SFXN3: variants seen among roughly 807,000 people sequenced by gnomAD.
The protein encoded by SFXN3 is sideroflexin 3.
A neutral mutation model predicts 40.4 loss-of-function variants in SFXN3; 31 were observed. That is an observed-to-expected ratio of 0.77 (90% CI 0.58 to 1.04). The LOEUF is 1.04. Among genes scored for constraint, SFXN3 ranks in the 50% least tolerant of loss-of-function variants. SFXN3 has a pLI of 0.00. For synonymous variants in SFXN3, 157 were observed against 160.0 expected (o/e 0.98, Z 0.14); for missense variants, 366 against 408.2 (o/e 0.90, Z 0.89).
In SFXN3 at chr10:101,039,438, A is replaced by C. The variant is rs754073362; in HGVS notation, c.870-51A>C. The C allele has an allele frequency of 7.1e-6, 11 of 1,539,912 alleles. No individual in the cohort carries two copies. Among genetic ancestry groups the C allele is most frequent in the South Asian group, 1.1e-5 (1 of 89,596 alleles). ...GGTGGGATGGCAATCCCTGGGCCTG[A>C]GTGGGGTTGGATTCAGGGGACGTTA... On this transcript the variant is annotated intron_variant, in intron 11 of 11. Coordinates refer to ENST00000393459, the Ensembl canonical transcript of SFXN3. This position sits in a 1 kb window ranked among gnomAD's most constrained non-coding sequence, Gnocchi z 4.6.
chr10:101,036,139 T>A lies in SFXN3; in HGVS notation c.431+38T>A. On this transcript the variant is annotated intron_variant, in intron 5 of 11. Transcript: ENST00000393459. The surrounding 1 kb of genome is among the most constrained non-coding windows in gnomAD (Gnocchi z 4.2). ...CCCCAGCAGCAGCTGCACTGTCCCA[T>A]CTGACCCTCTCCTCCCAGCCTGCAG... The A allele has an allele frequency of 6.6e-7, 1 of 1,519,162 alleles. No homozygotes were observed. Among genetic ancestry groups the A allele is most frequent in the Non-Finnish European group, 9.1e-7 (1 of 1,095,000 alleles). The allele number at this position is 1,519,162 out of a possible 1,614,324, so 94.1% of individuals were successfully genotyped here.
rs978917514 is a variant in SFXN3 at position 101,036,992 on chromosome 10, G to A, written c.594-84G>A. The stretch of plus-strand genomic sequence containing the variant: ...GCCTTTGAGCCTGGGGTGTGTGAGG[G>A]GACCCTGAGGAGCCGCTGCTCATTC... On this transcript the variant is annotated intron_variant, in intron 7 of 11. Coordinates refer to ENST00000393459, the Ensembl canonical transcript of SFXN3. The surrounding 1 kb of genome is among the most constrained non-coding windows in gnomAD (Gnocchi z 4.2). 6 of 1,571,586 alleles carry A rather than the reference G, an allele frequency of 3.8e-6. No individual in the cohort carries two copies. In the African/African-American group the frequency reaches 6.7e-5, roughly 18 times the overall value.
At position 101,036,123 on chromosome 10, in the gene SFXN3, C is replaced by A; in HGVS notation, c.431+22C>A. The stretch of plus-strand genomic sequence containing the variant: ...TGAGGTGAGAGCCAGCCCCCAGCAG[C>A]AGCTGCACTGTCCCATCTGACCCTC... On this transcript the variant is annotated intron_variant, in intron 5 of 11. Coordinates refer to ENST00000393459, the Ensembl canonical transcript of SFXN3. The surrounding 1 kb of genome is among the most constrained non-coding windows in gnomAD (Gnocchi z 4.2). 1 of 1,584,236 alleles carries A rather than the reference C, an allele frequency of 6.3e-7. No individual in the cohort carries two copies. Among genetic ancestry groups the A allele is most frequent in the Non-Finnish European group, 8.7e-7 (1 of 1,153,606 alleles).
At position 101,039,570 on chromosome 10, in the gene SFXN3, C is replaced by A; in HGVS notation, c.951C>A (p.Tyr317Ter). 6.2e-7 allele frequency: 1 copy of A among 1,614,106 alleles called. No homozygotes were observed. Among genetic ancestry groups the A allele is most frequent in the African/African-American group, 1.3e-5 (1 of 75,036 alleles). The change falls in exon 12 of 12, where the codon TAC (tyrosine) becomes TAA (stop). Residue 317 changes from tyrosine (Y) to a stop codon, truncating the protein, a stop_gained. Coordinates refer to ENST00000393459, the Ensembl canonical transcript of SFXN3. LOFTEE classifies it high-confidence loss of function. The surrounding 1 kb of genome is among the most constrained non-coding windows in gnomAD (Gnocchi z 4.6). ...ACCCCAGCGTTGAAGTGGTCTACTA[C>A]AACAAGGGGCTTTGAGGAGGGTCAG... is the stretch of plus-strand genomic sequence containing the variant.
chr10:101,032,483 G>GTT lies in SFXN3; in HGVS notation c.-4+2_-4+3insTT, dbSNP rs1447278167. On this transcript the variant is annotated splice_donor_variant, in intron 2 of 11. Coordinates refer to ENST00000393459, the Ensembl canonical transcript of SFXN3. LOFTEE classifies it low-confidence loss of function (5UTR_SPLICE). ...AGAGCTTCAGAGAGCGATGGAAAGCGTAAGTGCTCGCTCTCCCCGGCGGGC... is the reference window on the plus strand; with the variant it reads ...AGAGCTTCAGAGAGCGATGGAAAGCGTTTAAGTGCTCGCTCTCCCCGGCGGGC... 3.9e-6 allele frequency: 6 copies of GTT among 1,546,074 alleles called. No individual in the cohort carries two copies. The highest frequency in any genetic ancestry group is 2.8e-5 in the African/African-American group (2 of 71,614).
Position 101,036,587 on chromosome 10 carries a change from A to T in SFXN3, c.507+26A>T, listed in dbSNP as rs1938615215. The stretch of plus-strand genomic sequence containing the variant: ...GTAAAGGCCCCTCACTCCCCTGACC[A>T]CCCCATTCATCCTCTATCTGCCTCC... On this transcript the variant is annotated intron_variant, in intron 6 of 11. Coordinates refer to ENST00000393459, the Ensembl canonical transcript of SFXN3. The surrounding 1 kb of genome is among the most constrained non-coding windows in gnomAD (Gnocchi z 4.2). 3 of 1,612,706 alleles carry T rather than the reference A, an allele frequency of 1.9e-6. No homozygotes were observed. Among genetic ancestry groups the T allele is most frequent in the Non-Finnish European group, 2.5e-6 (3 of 1,179,500 alleles).
chr10:101,033,348 G>A (rs1440807639), intron 2 of SFXN3, among the ~76,000 whole-genome samples: 1 of 152,168 alleles, frequency 6.6e-6, no homozygotes, highest in Non-Finnish European at 1.5e-5. Flanking sequence ...GTTTGTTGCT[G>A]CTTATGTGTC....
exon 8 of SFXN3, chr10:101,037,133 G>T (rs757932880): frequency 7.4e-6 from 12 of 1,613,728 alleles, no homozygotes; most frequent in Non-Finnish European, 1.0e-5. Context: ...TTGGCTACTC[G>T]GTGACTGCAG....
chr10:101,032,265 G>C (rs576600463), intron 1 of SFXN3, 49 bp from the exon 2 acceptor site: 75 of 533,438 alleles, frequency 1.4e-4, no homozygotes, highest in Non-Finnish European at 2.2e-4. Context: ...GCCTGGTCCA[G>C]GTGGCCCAGG....
Position 101,036,688 on chromosome 10 carries a change from C to G in SFXN3, c.508-35C>G, listed in dbSNP as rs1178406117. The G allele has an allele frequency of 6.2e-7, 1 of 1,605,184 alleles. No homozygotes were observed. ...CCAGAGTCCCTCACCACCCCATGGC[C>G]CTTAGGGCCACTGAACAACACCCTT... On this transcript the variant is annotated intron_variant, in intron 6 of 11. Transcript: ENST00000393459. The surrounding 1 kb of genome is among the most constrained non-coding windows in gnomAD (Gnocchi z 4.2).
exon 3 of SFXN3, chr10:101,034,730 A>G (rs1938501158): frequency 6.2e-7 from 1 of 1,613,920 alleles, no homozygotes; most frequent in African/African-American, 1.3e-5. Context: ...ACATCCAGGA[A>G]CCTCGCTGGG....
rs1379821467 is a variant in SFXN3, at chr10:101,036,699, C to T, written c.508-24C>T. The T allele has an allele frequency of 6.2e-6, 10 of 1,603,792 alleles. No individual in the cohort carries two copies. The highest frequency in any genetic ancestry group is 8.5e-6 in the Non-Finnish European group (10 of 1,171,918). ...CACCACCCCATGGCCCTTAGGGCCA[C>T]TGAACAACACCCTTCCTCCCCAGCA... On this transcript the variant is annotated intron_variant, in intron 6 of 11. Coordinates refer to ENST00000393459, the Ensembl canonical transcript of SFXN3. The surrounding 1 kb of genome is among the most constrained non-coding windows in gnomAD (Gnocchi z 4.2).
exon 4 of SFXN3, chr10:101,035,539 G>C (rs1172746016): frequency 6.8e-6 from 11 of 1,613,230 alleles, no homozygotes; most frequent in Middle Eastern, 1.7e-4. Context: ...ACCAGCTGTG[G>C]AGGGCCAAGT....
chr10:101,035,880 G>A, intron 4 of SFXN3, 123 bp from the exon 5 acceptor site: 4 of 1,138,940 alleles, frequency 3.5e-6, no homozygotes, highest in Non-Finnish European at 3.9e-6. Context: ...TACCAGAACA[G>A]GTTCTAGGGC....
At position 101,039,822 on chromosome 10, in the gene SFXN3, A is replaced by G. The variant is rs1564650777; in HGVS notation, c.*237A>G. ...CTCCTGTGCTTGAGTGTCCATGCAT[A>G]TACATACATGATACACATGTGTATG... On this transcript the variant is annotated 3_prime_UTR_variant, in exon 12 of 12. Coordinates refer to ENST00000393459, the Ensembl canonical transcript of SFXN3. This position sits in a 1 kb window ranked among gnomAD's most constrained non-coding sequence, Gnocchi z 4.6. 1 of 568,868 alleles carries G rather than the reference A, an allele frequency of 1.8e-6. No individual in the cohort carries two copies. Among genetic ancestry groups the G allele is most frequent in the Non-Finnish European group, 3.2e-6 (1 of 316,172 alleles). The allele number at this position is 568,868 out of a possible 1,614,324, so 35.2% of individuals were successfully genotyped here. A position where few individuals can be genotyped will look rare whatever the true frequency, so the allele number is the denominator to read the frequency against.
In SFXN3 at chr10:101,036,553, C is replaced by T. The variant is rs760603004; in HGVS notation, c.499C>T (p.Leu167Phe). The stretch of plus-strand genomic sequence containing the variant: ...GGCCACGGCCCTGGGACTCAAATCC[C>T]TCACCAAGGTAAAGGCCCCTCACTC... Residue 167 changes from leucine to phenylalanine, a missense_variant, in exon 6 of 12, where the codon CTC becomes TTC. Leu to Phe is a conservative substitution (Grantham distance 22). Coordinates refer to ENST00000393459, the Ensembl canonical transcript of SFXN3. The surrounding 1 kb of genome is among the most constrained non-coding windows in gnomAD (Gnocchi z 4.2). The T allele has an allele frequency of 6.2e-7, 1 of 1,614,134 alleles. No homozygotes were observed. Among genetic ancestry groups the T allele is most frequent in the East Asian group, 2.2e-5 (1 of 44,868 alleles).
chr10:101,039,663 C>A lies in SFXN3; in HGVS notation c.*78C>A. On this transcript the variant is annotated 3_prime_UTR_variant, in exon 12 of 12. Coordinates refer to ENST00000393459, the Ensembl canonical transcript of SFXN3. This position sits in a 1 kb window ranked among gnomAD's most constrained non-coding sequence, Gnocchi z 4.6. Reference sequence around the variant, plus strand: ...GAGTCATGTCACCCCTACCACTTGGCTATCTGCCTAGCACTGGGCAGGGGC... The same window carrying A: ...GAGTCATGTCACCCCTACCACTTGGATATCTGCCTAGCACTGGGCAGGGGC... The A allele has an allele frequency of 7.1e-7, 1 of 1,406,344 alleles. No individual in the cohort carries two copies. The highest frequency in any genetic ancestry group is 1.0e-6 in the Non-Finnish European group (1 of 992,664). The allele number at this position is 1,406,344 out of a possible 1,614,324, so 87.1% of individuals were successfully genotyped here. A position where few individuals can be genotyped will look rare whatever the true frequency, so the allele number is the denominator to read the frequency against.
rs372100811 is a variant in SFXN3 at position 101,035,488 on chromosome 10, C to T, written c.162-9C>T. The T allele has an allele frequency of 6.3e-7, 1 of 1,594,820 alleles. No homozygotes were observed. Among genetic ancestry groups the T allele is most frequent in the Admixed American group, 1.7e-5 (1 of 58,802 alleles). ...GCATAGCCTGTCTGCTCCTTGCCAACTTCTGCAGGGCCGGCGTGGTGACCC... is the reference window on the plus strand; with the variant it reads ...GCATAGCCTGTCTGCTCCTTGCCAATTTCTGCAGGGCCGGCGTGGTGACCC... On this transcript the variant is annotated splice_polypyrimidine_tract_variant and intron_variant, in intron 3 of 11. Transcript: ENST00000393459.
rs1938806788 is a variant in SFXN3, at chr10:101,039,656, C to T, written c.*71C>T. 2.1e-6 allele frequency: 3 copies of T among 1,455,206 alleles called. No homozygotes were observed. The South Asian group carries it at 3.4e-5, about 17-fold the overall frequency. 90.1% of individuals were successfully genotyped at this position (1,455,206 alleles called of 1,614,324 possible). ...TTTAGTGGAGTCATGTCACCCCTAC[C>T]ACTTGGCTATCTGCCTAGCACTGGG... On this transcript the variant is annotated 3_prime_UTR_variant, in exon 12 of 12. Transcript: ENST00000393459. The surrounding 1 kb of genome is among the most constrained non-coding windows in gnomAD (Gnocchi z 4.6).
Sources: allele counts gnomAD v4.1 joint callset (sites outside exome capture counted in the v4.1 genomes callset), GRCh38; gene constraint gnomAD v4.1.1; non-coding constraint Gnocchi (gnomAD v3.1); transcripts MANE v1.5; gene names NCBI Gene and HGNC (gene_info 2026-07-23, HGNC 2026-07-21).